The following MGA variants were observed in gnomAD, a reference collection of about 807,000 sequenced individuals.
MGA encodes the protein MAX gene-associated protein.
MGA carries 40 observed loss-of-function variants against 261.1 expected under a neutral mutation model. The observed-to-expected ratio is 0.15, with a 90% CI of 0.12 to 0.20. The LOEUF is 0.20. MGA is among the 10% of genes least tolerant of loss of function. MGA has a pLI of 1.00. For synonymous variants in MGA, 1,302 were observed against 1,290.6 expected (o/e 1.01, Z -0.19); for missense variants, 3,397 against 3,630.5 (o/e 0.94, Z 1.65).
At position 41,713,226 on chromosome 15, in the gene MGA, C is replaced by T; in HGVS notation, c.3160C>T (p.Leu1054=). Residue 1054 remains leucine, a synonymous_variant, in exon 9 of 24, where the codon CTG becomes TTG. Transcript: ENST00000219905. Reference sequence around the variant, plus strand: ...TCCCTGCAACAATGACTTCTGTCGACTGGGTTGTGTATGTTCCAGTCTAGC... The same window carrying T: ...TCCCTGCAACAATGACTTCTGTCGATTGGGTTGTGTATGTTCCAGTCTAGC... 1 of 1,614,016 alleles carries T rather than the reference C, an allele frequency of 6.2e-7. No homozygotes were observed.
At chr15:41,707,937 C>G in intron 6 of MGA, 78 bp downstream of exon 6, 1 of 1,513,814 alleles carries the variant, frequency 6.6e-7, no homozygotes, top group Non-Finnish European at 9.0e-7. Flanking sequence ...TAAAAAGCTA[C>G]CTTTATTGGT....
intron 12 of MGA, among the ~76,000 whole-genome samples, chr15:41,735,870 A>C (rs1467300860): frequency 2.6e-5 from 4 of 152,236 alleles, no homozygotes; most frequent in African/African-American, 9.6e-5. Context: ...ATACCAGTGA[A>C]GCTTAACCTT....
In MGA at chr15:41,767,604, G is replaced by C. The variant is rs1017793270; in HGVS notation, c.*324G>C. ...GACTCTGGCTCCACAGTGGTTTCTA[G>C]TTCTTCCCCCACAAGCGAAAGAGCT... On this transcript the variant is annotated 3_prime_UTR_variant, in exon 24 of 24. Coordinates refer to ENST00000219905, the MANE Select transcript of MGA (RefSeq NM_001164273.2). 3.3e-6 allele frequency: 1 copy of C among 303,770 alleles called. No individual in the cohort carries two copies. Among genetic ancestry groups the C allele is most frequent in the African/African-American group, 2.1e-5 (1 of 47,460 alleles). 18.8% of individuals were successfully genotyped at this position (303,770 alleles called of 1,614,324 possible).
intron 3 of MGA, 71 bp from the exon 4 acceptor site, chr15:41,698,792 T>G: frequency 8.2e-7 from 1 of 1,225,080 alleles, no homozygotes; most frequent in East Asian, 2.6e-5. Flanking sequence ...TAAGTTTTTT[T>G]TAATCCTGTT....
At chr15:41,718,445 A>G in intron 9 of MGA, 1 of 1,058,144 alleles carries the variant, frequency 9.5e-7, no homozygotes, top group Non-Finnish European at 1.4e-6. Context: ...GGAGCTGAGG[A>G]ATAGCTTTGA....
intron 2 of MGA, among the ~76,000 whole-genome samples, chr15:41,680,139 C>T (rs2058591736): frequency 6.6e-6 from 1 of 152,154 alleles, no homozygotes; most frequent in South Asian, 2.1e-4. Flanking sequence ...TGACCATGGT[C>T]CTACTGTATT....
At chr15:41,729,373 C>T in intron 11 of MGA, 24 bp downstream of exon 11, 1 of 1,586,132 alleles carries the variant, frequency 6.3e-7, no homozygotes, top group Non-Finnish European at 8.6e-7. Context: ...TGCATAAGTT[C>T]TTTTTAACTT....
intron 1 of MGA, among the ~76,000 whole-genome samples, chr15:41,631,856 C>G (rs965915589): frequency 6.6e-6 from 1 of 152,024 alleles, no homozygotes; most frequent in Non-Finnish European, 1.5e-5. Context: ...TGCCAGCTAT[C>G]ACTGTTAGCG....
intron 1 of MGA, among the ~76,000 whole-genome samples, chr15:41,621,885 G>C (rs1309919728): frequency 6.6e-6 from 1 of 152,160 alleles, no homozygotes; most frequent in African/African-American, 2.4e-5. Context: ...AATTCTGGCC[G>C]CGGCTTTTCG....
At position 41,713,135 on chromosome 15, in the gene MGA, T is replaced by C. The variant is rs1269368126; in HGVS notation, c.3085-16T>C. 2.5e-6 allele frequency: 4 copies of C among 1,603,386 alleles called. No individual in the cohort carries two copies. In the South Asian group the frequency reaches 4.4e-5, roughly 18 times the overall value. ...GGATGGTTTAGTGGAATTACAATTT[T>C]CTCCTTTGACTTTAGGCATCCCTCA... On this transcript the variant is annotated splice_polypyrimidine_tract_variant and intron_variant, in intron 8 of 23. Transcript: ENST00000219905.
intron 9 of MGA, among the ~76,000 whole-genome samples, chr15:41,722,233 C>T (rs185628408): frequency 0.018 from 2,631 of 148,498 alleles, 38 homozygotes; most frequent in Non-Finnish European, 0.025. Context: ...GGGTTCACAC[C>T]ATTCTCCTGC....
At chr15:41,662,135 C>G (rs190614718) in intron 1 of MGA, among the ~76,000 whole-genome samples, 4 of 152,270 alleles carry the variant, frequency 2.6e-5, no homozygotes, top group African/African-American at 7.2e-5. Context: ...ACGGTTGTTT[C>G]TAGCGTTTGT....
intron 2 of MGA, among the ~76,000 whole-genome samples, chr15:41,686,340 C>T (rs920352701): frequency 2.0e-5 from 3 of 152,020 alleles, no homozygotes; most frequent in African/African-American, 7.3e-5. Context: ...TAGTGACACC[C>T]ACCCAGCTCA....
intron 11 of MGA, among the ~76,000 whole-genome samples, chr15:41,732,981 C>T (rs755819415): frequency 6.6e-6 from 1 of 151,992 alleles, no homozygotes; most frequent in Non-Finnish European, 1.5e-5. Flanking sequence ...TTTTTAAAGA[C>T]GGAGTCTCGC....
intron 9 of MGA, among the ~76,000 whole-genome samples, chr15:41,724,214 A>G (rs776804244): frequency 2.6e-5 from 4 of 152,220 alleles, no homozygotes; most frequent in Non-Finnish European, 4.4e-5. Flanking sequence ...AATGTGTGGT[A>G]GAACCTCTTA....
intron 2 of MGA, among the ~76,000 whole-genome samples, chr15:41,686,688 A>G (rs2058988822): frequency 6.6e-6 from 1 of 152,126 alleles, no homozygotes; most frequent in South Asian, 2.1e-4. Context: ...TATTGTTAAG[A>G]ATGAGTGTTG....
intron 15 of MGA, among the ~76,000 whole-genome samples, chr15:41,747,685 G>A (rs1268933301): frequency 3.3e-5 from 5 of 152,094 alleles, no homozygotes; most frequent in African/African-American, 1.2e-4. Context: ...GACAGAGTGC[G>A]ATGCTGTCTC....
At chr15:41,639,526 T>A (rs74688388) in intron 1 of MGA, among the ~76,000 whole-genome samples, 7,033 of 148,556 alleles carry the variant, frequency 0.047, 558 homozygotes, top group African/African-American at 0.16. Context: ...TTTTTTTTTT[T>A]AAATTAATTA....
rs1451006389 is a variant in MGA, at chr15:41,645,948, C to A, written c.-67-22880C>A. Among the ~76,000 whole-genome samples, 7 of 152,254 alleles carry A rather than the reference C, an allele frequency of 4.6e-5. No homozygotes were observed. The East Asian group carries it at 1.3e-3, about 29-fold the overall frequency. On this transcript the variant is annotated intron_variant, in intron 1 of 8. Coordinates refer to the MGA transcript ENST00000566718. ...TTTTGCTATTTGACTAGGTTGAATTCATTGAGACACATGGTGAAGTCTGTC... is the reference window on the plus strand; with the variant it reads ...TTTTGCTATTTGACTAGGTTGAATTAATTGAGACACATGGTGAAGTCTGTC...
Sources: allele counts gnomAD v4.1 joint callset (sites outside exome capture counted in the v4.1 genomes callset), GRCh38; gene constraint gnomAD v4.1.1; transcripts MANE v1.5; gene names NCBI Gene and HGNC (gene_info 2026-07-23, HGNC 2026-07-21).